Variants in COL4A4 observed in about 807,000 individuals in gnomAD.
COL4A4 encodes collagen type IV alpha 4 chain, also known as collagen alpha-4(IV) chain.
COL4A4 carries 105 observed loss-of-function variants against 192.9 expected under a neutral mutation model. The ratio of observed to expected loss-of-function variants is 0.54; its 90% CI spans 0.46 to 0.64. COL4A4 has a LOEUF of 0.64. Among genes scored for constraint, COL4A4 ranks in the 30% least tolerant of loss-of-function variants. The probability of loss-of-function intolerance (pLI) is 0.00; values close to 1 mark genes in which losing one functional copy is unlikely to be tolerated. For synonymous variants in COL4A4, 762 were observed against 769.9 expected, an observed-to-expected ratio of 0.99 and a Z score of 0.17; for missense variants, 1,967 against 2,169.3, an observed-to-expected ratio of 0.91 and a Z score of 1.85.
intron 44 of COL4A4, among the ~76,000 whole-genome samples, chr2:227,018,902 A>G (rs1032107908): frequency 6.6e-6 from 1 of 152,226 alleles, no homozygotes; most frequent in Non-Finnish European, 1.5e-5. Flanking sequence ...AGAAGCTCAT[A>G]GTCTATGGAG....
intron 4 of COL4A4, among the ~76,000 whole-genome samples, chr2:227,138,459 C>T (rs66643665): frequency 0.36 from 54,668 of 151,860 alleles, 10,209 homozygotes; most frequent in Non-Finnish European, 0.42. Context: ...CAGTGAAATC[C>T]CGTCTCTACT....
chr2:227,020,132 A>G (rs1046910286), intron 44 of COL4A4, among the ~76,000 whole-genome samples: 1 of 152,250 alleles, frequency 6.6e-6, no homozygotes, highest in Non-Finnish European at 1.5e-5. Flanking sequence ...TACAAAGAGT[A>G]GAGGGAGTCT....
intron 25 of COL4A4, among the ~76,000 whole-genome samples, chr2:227,064,610 G>A (rs567780402): frequency 6.6e-6 from 1 of 152,070 alleles, no homozygotes; most frequent in Non-Finnish European, 1.5e-5. Context: ...CAAAATGAAG[G>A]CAAGAATTCT....
intron 46 of COL4A4, among the ~76,000 whole-genome samples, chr2:227,009,709 AAG>A (rs1194196021): frequency 7.8e-6 from 1 of 127,722 alleles, no homozygotes; most frequent in African/African-American, 4.0e-5. Context: ...AAAAAAAAAA[AAG>A]AGGAAAAGAG....
At chr2:227,033,325 G>T in intron 38 of COL4A4, 85 bp downstream of exon 38, 1 of 1,148,936 alleles carries the variant, frequency 8.7e-7, no homozygotes. Context: ...ATCTCATGAA[G>T]TGCAGAAATA....
chr2:227,143,733 C>T (rs2063370047), intron 3 of COL4A4, among the ~76,000 whole-genome samples: 1 of 152,156 alleles, frequency 6.6e-6, no homozygotes, highest in Non-Finnish European at 1.5e-5. Context: ...TCAGGTGATA[C>T]TCTCAAATGC....
At chr2:227,074,469 A>C (rs907363168) in intron 25 of COL4A4, among the ~76,000 whole-genome samples, 1 of 152,192 alleles carries the variant, frequency 6.6e-6, no homozygotes, top group African/African-American at 2.4e-5. Flanking sequence ...AAATTAGTAC[A>C]ACCTCTGTAG....
chr2:226,988,684 A>G, the COL4A4 span: 11 of 981,086 alleles, frequency 1.1e-5, no homozygotes, highest in East Asian at 5.7e-4. Context: ...GGGTTTTCAT[A>G]CTTTTTCTAT....
chr2:227,060,586 A>AG (rs1459796695), intron 26 of COL4A4, among the ~76,000 whole-genome samples: 2 of 152,158 alleles, frequency 1.3e-5, no homozygotes, highest in African/African-American at 4.8e-5. Flanking sequence ...CTGCCCTTGT[A>AG]GGGGTAAAGA....
chr2:227,159,505 T>C (rs1274036438), intron 1 of COL4A4, among the ~76,000 whole-genome samples: 1 of 152,232 alleles, frequency 6.6e-6, no homozygotes, highest in East Asian at 1.9e-4. Context: ...ACTTTTTAGA[T>C]TCCCTAATGA....
At chr2:227,031,197 A>G (rs1968313366) in intron 40 of COL4A4, among the ~76,000 whole-genome samples, 1 of 152,216 alleles carries the variant, frequency 6.6e-6, no homozygotes, top group Non-Finnish European at 1.5e-5. Flanking sequence ...ATTGACCCCA[A>G]TTATATTCCT....
At chr2:226,999,657 TA>T (rs1219846906), downstream of COL4A4, among the ~76,000 whole-genome samples, 1 of 152,122 alleles carries the variant, frequency 6.6e-6, no homozygotes, top group Non-Finnish European at 1.5e-5. Flanking sequence ...ATGTTGCTAA[TA>T]TAATAGAAAT....
At chr2:226,978,261 C>T in the COL4A4 span, among the ~76,000 whole-genome samples, 1 of 152,158 alleles carries the variant, frequency 6.6e-6, no homozygotes, top group Non-Finnish European at 1.5e-5. Flanking sequence ...TCAATTTGTA[C>T]TCTTTTTTCT....
the COL4A4 span, among the ~76,000 whole-genome samples, chr2:226,974,859 C>T: frequency 1.5e-3 from 226 of 152,250 alleles, 1 homozygote; most frequent in Middle Eastern, 6.8e-3. Context: ...GGTACCTCGC[C>T]AGTGCGTGGC....
chr2:227,032,143 C>T lies in COL4A4; in HGVS notation c.3706+5G>A, dbSNP rs1968561558. 6.2e-7 allele frequency: 1 copy of T among 1,614,086 alleles called. No homozygotes were observed. The highest frequency in any genetic ancestry group is 1.3e-5 in the African/African-American group (1 of 74,938). On this transcript the variant is annotated splice_donor_5th_base_variant and intron_variant, in intron 39 of 47. Coordinates refer to ENST00000396625, the MANE Select transcript of COL4A4 (RefSeq NM_000092.5). ...GAAAGAAGGGCAAAGCATGCTACAG[C>T]TTACCTGGGGGTCCTGGGGGACCTT...
chr2:227,045,833 C>CACATATATATATAT lies in COL4A4; in HGVS notation c.3289+1641_3289+1642insATATATATATATGT, dbSNP rs1559487703. On this transcript the variant is annotated intron_variant, in intron 35 of 47. Coordinates refer to ENST00000396625, the MANE Select transcript of COL4A4 (RefSeq NM_000092.5). ...ATATATATACACATATATATATATA[C>CACATATATATATAT]ACACATATATATATACACATATATA... 1.8e-4 allele frequency among the ~76,000 whole-genome samples: 6 copies of CACATATATATATAT among 33,612 alleles called. 2 individuals are homozygous for CACATATATATATAT. The highest frequency in any genetic ancestry group is 8.5e-4 in the African/African-American group (5 of 5,904). 22.1% of individuals were successfully genotyped at this position (33,612 alleles called of 152,430 possible). A position where few individuals can be genotyped will look rare whatever the true frequency, so the allele number is the denominator to read the frequency against.
At chr2:227,010,687 C>G (rs1180167140) in intron 45 of COL4A4, among the ~76,000 whole-genome samples, 186 bp from the exon 46 acceptor site, 2 of 152,188 alleles carry the variant, frequency 1.3e-5, no homozygotes, top group African/African-American at 4.8e-5. Flanking sequence ...ACTCATTCAT[C>G]AAGTATTTGT....
chr2:227,157,301 T>C (rs112650052), intron 1 of COL4A4, among the ~76,000 whole-genome samples: 9 of 152,028 alleles, frequency 5.9e-5, no homozygotes, highest in African/African-American at 2.2e-4. Context: ...ACTAACCCAG[T>C]GCAGAAAAGG....
At chr2:227,025,067 T>G (rs1917123) in intron 43 of COL4A4, among the ~76,000 whole-genome samples, 64,800 of 152,030 alleles carry the variant, frequency 0.43, 13,975 homozygotes, top group South Asian at 0.55. Context: ...TTCTTTACTT[T>G]TTAATAAGTC....
Sources: gnomAD v4.1 joint callset for allele counts (sites outside exome capture counted in the v4.1 genomes callset) on GRCh38, gnomAD v4.1.1 for gene constraint, MANE v1.5 for transcripts, NCBI Gene and HGNC (gene_info 2026-07-23, HGNC 2026-07-21) for gene names.